MALRD1: variants seen among roughly 807,000 people sequenced by gnomAD.
MALRD1 encodes the protein MAM and LDL-receptor class A domain-containing protein 1.
MALRD1 carries 247 observed loss-of-function variants against 242.1 expected under a neutral mutation model. The observed-to-expected ratio is 1.02, with a 90% CI of 0.92 to 1.13. The LOEUF is 1.13. Ranked by LOEUF, MALRD1 falls within the 50% of genes most tolerant of loss-of-function variation. The pLI is 0.00. For synonymous variants in MALRD1, 995 were observed against 866.6 expected (o/e 1.15, Z -2.60); for missense variants, 2,989 against 2,533.1 (o/e 1.18, Z -3.86).
chr10:19,637,699 A>G (rs1490891965), intron 36 of MALRD1, among the ~76,000 whole-genome samples: 1 of 152,202 alleles, frequency 6.6e-6, no homozygotes, highest in East Asian at 1.9e-4. Context: ...AAGTCAGGGC[A>G]CTGGTATGCA....
chr10:19,058,235 C>T (rs1374165778), intron 1 of MALRD1, among the ~76,000 whole-genome samples: 1 of 152,160 alleles, frequency 6.6e-6, no homozygotes, highest in Non-Finnish European at 1.5e-5. Flanking sequence ...ACAATTCTGT[C>T]TGATCCTGAA....
intron 14 of MALRD1, among the ~76,000 whole-genome samples, chr10:19,176,633 C>G (rs1835262234): frequency 6.6e-6 from 1 of 151,748 alleles, no homozygotes; most frequent in African/African-American, 2.4e-5. Flanking sequence ...CTCGGCCTCC[C>G]AAAGTGCTGG....
chr10:19,410,585 G>A (rs759791986), intron 28 of MALRD1, among the ~76,000 whole-genome samples: 5 of 151,846 alleles, frequency 3.3e-5, no homozygotes, highest in Non-Finnish European at 7.4e-5. Flanking sequence ...GATAATGGAC[G>A]CTAGGAAAGT....
At chr10:19,113,270 T>C (rs773030130) in intron 5 of MALRD1, among the ~76,000 whole-genome samples, 2 of 152,164 alleles carry the variant, frequency 1.3e-5, no homozygotes, top group Admixed American at 1.3e-4. Flanking sequence ...CTCCTCACGA[T>C]ACTGCTCTTT....
At chr10:19,113,847 A>T (rs1836778357) in intron 5 of MALRD1, among the ~76,000 whole-genome samples, 1 of 151,656 alleles carries the variant, frequency 6.6e-6, no homozygotes, top group Non-Finnish European at 1.5e-5. Flanking sequence ...ACACACACAG[A>T]CACATGTGTA....
chr10:19,107,447 T>C (rs1414214183), intron 5 of MALRD1, among the ~76,000 whole-genome samples: 1 of 152,002 alleles, frequency 6.6e-6, no homozygotes, highest in Admixed American at 6.6e-5. Context: ...TTATAGCTAC[T>C]GCTGGTCTCT....
intron 18 of MALRD1, among the ~76,000 whole-genome samples, chr10:19,210,265 A>T (rs1588701610): frequency 6.6e-6 from 1 of 152,172 alleles, no homozygotes; most frequent in Non-Finnish European, 1.5e-5. Context: ...AAGGAATTTT[A>T]TATATTATCT....
chr10:19,412,956 GA>G (rs1248688756), intron 28 of MALRD1, among the ~76,000 whole-genome samples: 21 of 151,886 alleles, frequency 1.4e-4, no homozygotes, highest in Admixed American at 5.2e-4. Flanking sequence ...AAGAAAGAAA[GA>G]AAATTATTCC....
chr10:19,444,977 C>A (rs1834886097), intron 28 of MALRD1, among the ~76,000 whole-genome samples: 1 of 152,100 alleles, frequency 6.6e-6, no homozygotes, highest in Admixed American at 6.6e-5. Flanking sequence ...TCACATAGTC[C>A]CATATTTCTT....
chr10:19,680,602 T>C (rs1027271630), intron 36 of MALRD1, among the ~76,000 whole-genome samples: 1 of 152,184 alleles, frequency 6.6e-6, no homozygotes, highest in African/African-American at 2.4e-5. Context: ...CTTGCCATTC[T>C]GTGTCTTTTA....
chr10:19,064,163 G>A (rs1166222019), intron 1 of MALRD1, among the ~76,000 whole-genome samples: 2 of 152,076 alleles, frequency 1.3e-5, no homozygotes, highest in Non-Finnish European at 2.9e-5. Context: ...TGAAAACAAA[G>A]TGATACGTTG....
At chr10:19,633,740 A>AC (rs1362283261) in intron 36 of MALRD1, 10 of 151,882 alleles carry the variant, frequency 6.6e-5, no homozygotes, top group African/African-American at 2.4e-4. Flanking sequence ...ACCAGGCCCA[A>AC]CCCTGGCTTA....
At chr10:19,127,585 A>G (rs2131391120) in intron 7 of MALRD1, among the ~76,000 whole-genome samples, 1 of 152,294 alleles carries the variant, frequency 6.6e-6, no homozygotes, top group Admixed American at 6.5e-5. Context: ...AAATTATAGA[A>G]ATCTCTTTAT....
At chr10:19,055,967 T>C (rs1834652661) in intron 1 of MALRD1, among the ~76,000 whole-genome samples, 1 of 152,208 alleles carries the variant, frequency 6.6e-6, no homozygotes, top group Admixed American at 6.5e-5. Context: ...TGTAACAAAC[T>C]TGCACATGTA....
At chr10:19,639,879 C>G (rs1840306949) in intron 36 of MALRD1, among the ~76,000 whole-genome samples, 1 of 152,080 alleles carries the variant, frequency 6.6e-6, no homozygotes, top group Non-Finnish European at 1.5e-5. Flanking sequence ...GGCTTTGTAT[C>G]TATATTTTAC....
At chr10:19,072,836 A>T (rs1012539506) in intron 2 of MALRD1, among the ~76,000 whole-genome samples, 1 of 152,154 alleles carries the variant, frequency 6.6e-6, no homozygotes, top group Non-Finnish European at 1.5e-5. Context: ...AAATACTTTT[A>T]GTACTTATTT....
At chr10:19,132,567 T>A (rs56253213) in intron 8 of MALRD1, among the ~76,000 whole-genome samples, 9,302 of 152,270 alleles carry the variant, frequency 0.061, 316 homozygotes, top group South Asian at 0.14. Context: ...CATGCATAAA[T>A]TATGTGAGGC....
intron 21 of MALRD1, among the ~76,000 whole-genome samples, chr10:19,285,654 A>T (rs1841075227): frequency 7.1e-6 from 1 of 141,146 alleles, no homozygotes; most frequent in Admixed American, 7.3e-5. Flanking sequence ...TGGTTACTGT[A>T]GCCTTGTAGT....
intron 36 of MALRD1, among the ~76,000 whole-genome samples, chr10:19,664,509 TAATTC>T (rs1841587234): frequency 6.6e-6 from 1 of 152,018 alleles, no homozygotes; most frequent in South Asian, 2.1e-4. Flanking sequence ...CTTCAAGTGT[TAATTC>T]AATTTAATGG....
Sources: gnomAD v4.1 joint callset for allele counts (sites outside exome capture counted in the v4.1 genomes callset) on GRCh38, gnomAD v4.1.1 for gene constraint, MANE v1.5 for transcripts, NCBI Gene and HGNC (gene_info 2026-07-23, HGNC 2026-07-21) for gene names.